STRA8: variants seen among roughly 807,000 people sequenced by gnomAD.
STRA8 encodes stimulated by retinoic acid 8.
In STRA8, 18 loss-of-function variants were observed where a neutral mutation model predicts 37.1. The ratio of observed to expected loss-of-function variants is 0.48; its 90% CI spans 0.34 to 0.72. The LOEUF is 0.72. Among genes scored for constraint, STRA8 ranks in the 30% least tolerant of loss-of-function variants. The pLI, the probability that STRA8 is intolerant of heterozygous loss-of-function variation, is 0.01. For missense variants in STRA8, 357 were observed against 410.4 expected (o/e 0.87, Z 1.13); for synonymous variants, 168 against 162.9 (o/e 1.03, Z -0.24).
chr7:135,248,042 C>A (rs758601762), intron 6 of STRA8, among the ~76,000 whole-genome samples: 3 of 152,182 alleles, frequency 2.0e-5, no homozygotes, highest in East Asian at 1.9e-4. Flanking sequence ...TCAGTCGGGG[C>A]GCCTTTGAGG....
At chr7:135,238,050 T>C (rs1423110993) in intron 1 of STRA8, among the ~76,000 whole-genome samples, 2 of 152,088 alleles carry the variant, frequency 1.3e-5, no homozygotes, top group African/African-American at 4.8e-5. Flanking sequence ...TTCCTAGTAG[T>C]GAACAGGAGG....
At chr7:135,242,495 C>T (rs978038983) in intron 2 of STRA8, among the ~76,000 whole-genome samples, 1 of 152,210 alleles carries the variant, frequency 6.6e-6, no homozygotes, top group East Asian at 1.9e-4. Flanking sequence ...CAAGCCGCCT[C>T]TGTAGTCATT....
chr7:135,239,590 G>C (rs1331881820), intron 1 of STRA8, among the ~76,000 whole-genome samples: 1 of 152,222 alleles, frequency 6.6e-6, no homozygotes, highest in Non-Finnish European at 1.5e-5. Context: ...CCAAAGAGCA[G>C]ACAGGCTAGT....
chr7:135,235,135 G>T (rs1832351823), intron 1 of STRA8, among the ~76,000 whole-genome samples: 1 of 151,890 alleles, frequency 6.6e-6, no homozygotes, highest in Non-Finnish European at 1.5e-5. Context: ...GCCTCCCAAA[G>T]TGCTAGGATT....
upstream of STRA8, among the ~76,000 whole-genome samples, chr7:135,233,616 T>G (rs1043447728): frequency 2.0e-5 from 3 of 151,966 alleles, no homozygotes; most frequent in Non-Finnish European, 2.9e-5. Context: ...CTCGCGACCC[T>G]GCGAGGTGAG....
At chr7:135,232,601 G>A (rs1462561032), upstream of STRA8, among the ~76,000 whole-genome samples, 3 of 151,942 alleles carry the variant, frequency 2.0e-5, no homozygotes, top group African/African-American at 7.3e-5. Context: ...TCCAACCTGG[G>A]CGACAGAACG....
intron 1 of STRA8, 30 bp from the exon 2 acceptor site, chr7:135,240,489 C>CAA (rs34330846): frequency 2.8e-3 from 3,911 of 1,393,596 alleles, no homozygotes; most frequent in South Asian, 5.1e-3. Context: ...TTATCTAGGG[C>CAA]AAAAAAAAAA....
intron 7 of STRA8, among the ~76,000 whole-genome samples, chr7:135,252,358 G>C (rs1832650070): frequency 6.6e-6 from 1 of 152,050 alleles, no homozygotes; most frequent in Non-Finnish European, 1.5e-5. Flanking sequence ...CAGCAAGGGG[G>C]ACATCCACTT....
chr7:135,252,074 C>G (rs1832645833), intron 7 of STRA8, among the ~76,000 whole-genome samples: 1 of 150,618 alleles, frequency 6.6e-6, no homozygotes. Flanking sequence ...TCAGGGGCCT[C>G]TCCTCTGCAG....
upstream of STRA8, among the ~76,000 whole-genome samples, chr7:135,232,280 G>A (rs576380160): frequency 5.5e-4 from 83 of 152,020 alleles, no homozygotes; most frequent in Middle Eastern, 3.4e-3. Flanking sequence ...GGTGGTGGGA[G>A]GTTGGTGGTG....
intron 1 of STRA8, among the ~76,000 whole-genome samples, chr7:135,237,825 G>A (rs1365706550): frequency 6.6e-6 from 1 of 151,964 alleles, no homozygotes; most frequent in African/African-American, 2.4e-5. Context: ...CCGGGAGGCA[G>A]AGGTTGCAGT....
At chr7:135,234,748 C>T (rs1420966704) in intron 1 of STRA8, among the ~76,000 whole-genome samples, 1 of 152,188 alleles carries the variant, frequency 6.6e-6, no homozygotes, top group Non-Finnish European at 1.5e-5. Flanking sequence ...AGTGTTAATC[C>T]TCACAAAATG....
chr7:135,233,799 C>G (rs1832326309), upstream of STRA8, among the ~76,000 whole-genome samples: 1 of 152,198 alleles, frequency 6.6e-6, no homozygotes, highest in Non-Finnish European at 1.5e-5. Flanking sequence ...AACGAGGTGC[C>G]AGGTCTGTTT....
At chr7:135,255,055 C>G in intron 7 of STRA8, 59 bp from the exon 8 acceptor site, 1 of 1,350,336 alleles carries the variant, frequency 7.4e-7, no homozygotes, top group Non-Finnish European at 1.1e-6. Context: ...GAGGGGGAAG[C>G]AGAGTTGAAA....
chr7:135,257,092 C>T (rs1832712729), intron 8 of STRA8, among the ~76,000 whole-genome samples: 1 of 152,178 alleles, frequency 6.6e-6, no homozygotes, highest in Non-Finnish European at 1.5e-5. Context: ...ATTTCCCTGC[C>T]CCTATCAGGA....
At chr7:135,237,403 A>G (rs993864384) in intron 1 of STRA8, among the ~76,000 whole-genome samples, 18 of 152,154 alleles carry the variant, frequency 1.2e-4, no homozygotes, top group African/African-American at 4.1e-4. Flanking sequence ...CATTTTTACA[A>G]TAGTTAGCTC....
At chr7:135,244,526 T>C (rs1335240002) in intron 4 of STRA8, among the ~76,000 whole-genome samples, 1 of 152,256 alleles carries the variant, frequency 6.6e-6, no homozygotes, top group African/African-American at 2.4e-5. Context: ...CAATTTATCC[T>C]GTTTTTAATA....
At position 135,246,672 on chromosome 7, in the gene STRA8, C is replaced by A; in HGVS notation, c.849C>A (p.Ala283=). The change falls in exon 6 of 9, where the codon GCC becomes GCA. Residue 283 remains alanine, a synonymous_variant. Coordinates refer to ENST00000662584, the MANE Select transcript of STRA8 (RefSeq NM_001394401.1). This position sits in a 1 kb window ranked among gnomAD's most constrained non-coding sequence, Gnocchi z 5.4. ...VKDSGVDSQG[A]SCSLVSTPEE... is the part of the protein sequence containing the mutation. ...ACAGCGGCGTGGACAGCCAGGGGGC[C>A]AGCTGCTCGCTGGTCTCCACGCCCG... 1 of 1,530,388 alleles carries A rather than the reference C, an allele frequency of 6.5e-7. No homozygotes were observed. 94.8% of individuals were successfully genotyped at this position (1,530,388 alleles called of 1,614,324 possible). A position where few individuals can be genotyped will look rare whatever the true frequency, so the allele number is the denominator to read the frequency against.
In STRA8 at chr7:135,246,961, C is replaced by T. The variant is rs1158543774; in HGVS notation, c.879+259C>T. On this transcript the variant is annotated intron_variant, in intron 6 of 8. Coordinates refer to ENST00000662584, the MANE Select transcript of STRA8 (RefSeq NM_001394401.1). This position sits in a 1 kb window ranked among gnomAD's most constrained non-coding sequence, Gnocchi z 5.4. Reference sequence around the variant, plus strand: ...CCGGGTTCACCTCATTCTCCTGCCTCAGCCTCCCGAATAGCTGGGACTACA... The same window carrying T: ...CCGGGTTCACCTCATTCTCCTGCCTTAGCCTCCCGAATAGCTGGGACTACA... The T allele has an allele frequency of 8.9e-6, 4 of 449,942 alleles. No homozygotes were observed. The highest frequency in any genetic ancestry group is 6.3e-5 in the African/African-American group (3 of 47,848). 27.9% of individuals were successfully genotyped at this position (449,942 alleles called of 1,614,324 possible).
Sources: allele counts gnomAD v4.1 joint callset (sites outside exome capture counted in the v4.1 genomes callset), GRCh38; gene constraint gnomAD v4.1.1; non-coding constraint Gnocchi (gnomAD v3.1); transcripts MANE v1.5; gene names NCBI Gene and HGNC (gene_info 2026-07-23, HGNC 2026-07-21).